The following NFAT5 variants were observed in gnomAD, a reference collection of about 807,000 sequenced individuals.
NFAT5 encodes the protein nuclear factor of activated T cells 5.
Under a neutral mutation model 166.5 loss-of-function variants are expected in NFAT5, and 31 were observed. That is an observed-to-expected ratio of 0.19 (90% CI 0.14 to 0.25). The LOEUF (loss-of-function observed/expected upper bound fraction) is 0.25. Ranked by LOEUF, NFAT5 falls within the 10% of genes least tolerant of loss-of-function variation. NFAT5 has a pLI of 1.00. For missense variants in NFAT5, 1,449 were observed against 1,821.8 expected, an observed-to-expected ratio of 0.80 and a Z score of 3.72; for synonymous variants, 612 against 639.7, an observed-to-expected ratio of 0.96 and a Z score of 0.65.
intron 2 of NFAT5, among the ~76,000 whole-genome samples, chr16:69,584,233 A>G (rs2031890457): frequency 6.6e-6 from 1 of 152,200 alleles, no homozygotes; most frequent in Admixed American, 6.5e-5. Context: ...CTCAAAAACA[A>G]AATAATAATA....
rs1412314809 is a variant in NFAT5 at position 69,700,740 on chromosome 16, A to C, written c.*4389A>C. On this transcript the variant is annotated 3_prime_UTR_variant, in exon 15 of 15. Coordinates refer to ENST00000349945, the MANE Select transcript of NFAT5 (RefSeq NM_138713.4). Reference sequence around the variant, plus strand: ...TGGAGGGACTCCATGAAGAAAGACCATAGGTTAGAAAAATAACTCATAGTA... The same window carrying C: ...TGGAGGGACTCCATGAAGAAAGACCCTAGGTTAGAAAAATAACTCATAGTA... 6.6e-6 allele frequency: 1 copy of C among 152,178 alleles called. No individual in the cohort carries two copies. The highest frequency in any genetic ancestry group is 1.5e-5 in the Non-Finnish European group (1 of 68,048). The allele number at this position is 152,178 out of a possible 1,614,324, so 9.4% of individuals were successfully genotyped here. A position where few individuals can be genotyped will look rare whatever the true frequency, so the allele number is the denominator to read the frequency against.
chr16:69,571,966 A>G (rs761777490), intron 2 of NFAT5, among the ~76,000 whole-genome samples: 2 of 151,868 alleles, frequency 1.3e-5, no homozygotes, highest in Non-Finnish European at 2.9e-5. Flanking sequence ...GTTTCACCAT[A>G]TTAGCCAGGA....
intron 6 of NFAT5, among the ~76,000 whole-genome samples, chr16:69,658,684 T>C (rs1186999590): frequency 6.8e-6 from 1 of 147,890 alleles, no homozygotes; most frequent in Non-Finnish European, 1.5e-5. Context: ...AAAAGTGAGC[T>C]GGAGTGGTGG....
intron 2 of NFAT5, among the ~76,000 whole-genome samples, chr16:69,582,759 T>C (rs2031781989): frequency 6.6e-6 from 1 of 151,820 alleles, no homozygotes; most frequent in Non-Finnish European, 1.5e-5. Flanking sequence ...TATTGTGTTA[T>C]TACTGTAGCT....
intron 3 of NFAT5, among the ~76,000 whole-genome samples, chr16:69,645,502 A>C (rs2035400190): frequency 6.6e-6 from 1 of 152,156 alleles, no homozygotes; most frequent in African/African-American, 2.4e-5. Flanking sequence ...TTCTGGGTGG[A>C]TATAGTTCAT....
intron 2 of NFAT5, among the ~76,000 whole-genome samples, chr16:69,590,960 C>G (rs971569498): frequency 5.9e-5 from 9 of 152,168 alleles, no homozygotes; most frequent in Admixed American, 1.3e-4. Context: ...GAGACTGAGT[C>G]TCACTCTGTC....
intron 3 of NFAT5, among the ~76,000 whole-genome samples, chr16:69,645,681 A>T (rs2035408989): frequency 6.6e-6 from 1 of 152,206 alleles, no homozygotes; most frequent in Admixed American, 6.5e-5. Flanking sequence ...TTTATCATAC[A>T]CTTTAAAACA....
At chr16:69,584,603 A>G (rs958994059) in intron 2 of NFAT5, among the ~76,000 whole-genome samples, 1 of 151,498 alleles carries the variant, frequency 6.6e-6, no homozygotes, top group Non-Finnish European at 1.5e-5. Context: ...GTCTTGCTAT[A>G]TATAGCAAGA....
intron 4 of NFAT5, among the ~76,000 whole-genome samples, chr16:69,652,559 G>GA (rs1439499765): frequency 3.3e-5 from 5 of 151,776 alleles, no homozygotes; most frequent in African/African-American, 1.2e-4. Flanking sequence ...AAAATAATCT[G>GA]AAAAATCACA....
chr16:69,636,133 C>T (rs1287487015), intron 3 of NFAT5, among the ~76,000 whole-genome samples: 1 of 152,108 alleles, frequency 6.6e-6, no homozygotes. Flanking sequence ...CATGCAAGTC[C>T]GAAATCCAGT....
At position 69,700,451 on chromosome 16, in the gene NFAT5, T is replaced by G. The variant is rs941567850; in HGVS notation, c.*4100T>G. On this transcript the variant is annotated 3_prime_UTR_variant, in exon 15 of 15. Coordinates refer to ENST00000349945, the MANE Select transcript of NFAT5 (RefSeq NM_138713.4). Reference sequence around the variant, plus strand: ...CATTTAAGCCTTTATAAATGCTTGTTTTAGGAAAGTGAATCTGTTAGATGC... The same window carrying G: ...CATTTAAGCCTTTATAAATGCTTGTGTTAGGAAAGTGAATCTGTTAGATGC... 6.6e-6 allele frequency: 1 copy of G among 152,236 alleles called. No homozygotes were observed. The highest frequency in any genetic ancestry group is 6.5e-5 in the Admixed American group (1 of 15,286). The allele number at this position is 152,236 out of a possible 1,614,324, so 9.4% of individuals were successfully genotyped here.
intron 2 of NFAT5, among the ~76,000 whole-genome samples, chr16:69,570,904 T>C (rs2142896733): frequency 6.6e-6 from 1 of 152,108 alleles, no homozygotes; most frequent in African/African-American, 2.4e-5. Flanking sequence ...TAGGTTTTTG[T>C]GAAGATTATT....
intron 7 of NFAT5, among the ~76,000 whole-genome samples, chr16:69,662,133 C>T (rs1156776609): frequency 1.3e-5 from 2 of 152,076 alleles, no homozygotes; most frequent in African/African-American, 2.4e-5. Flanking sequence ...CTATACTGCA[C>T]AGTAGCTGTG....
At chr16:69,686,850 A>G (rs1406152034) in intron 11 of NFAT5, among the ~76,000 whole-genome samples, 1 of 152,014 alleles carries the variant, frequency 6.6e-6, no homozygotes, top group African/African-American at 2.4e-5. Flanking sequence ...GCGACACAGT[A>G]AAACTCCACC....
At chr16:69,623,052 G>C (rs2034276048) in intron 2 of NFAT5, among the ~76,000 whole-genome samples, 1 of 152,118 alleles carries the variant, frequency 6.6e-6, no homozygotes, top group Non-Finnish European at 1.5e-5. Flanking sequence ...GGCTGAGGCA[G>C]GAGAATCACT....
intron 11 of NFAT5, chr16:69,690,554 G>A (rs1485503445): frequency 1.3e-5 from 2 of 152,460 alleles, no homozygotes; most frequent in Non-Finnish European, 2.9e-5. Context: ...ATAGCTAAAT[G>A]CTAAGAGGAG....
At chr16:69,677,923 C>T (rs999348148) in intron 10 of NFAT5, among the ~76,000 whole-genome samples, 11 of 151,764 alleles carry the variant, frequency 7.2e-5, no homozygotes, top group Admixed American at 2.6e-4. Context: ...GAGGCCGAGG[C>T]GGGTGGATCA....
intron 2 of NFAT5, among the ~76,000 whole-genome samples, chr16:69,623,334 CTTTT>C (rs369209793): frequency 7.2e-6 from 1 of 139,624 alleles, no homozygotes; most frequent in Non-Finnish European, 1.6e-5. Flanking sequence ...TTGCTAAAGG[CTTTT>C]TTTTTTTTTT....
chr16:69,601,973 C>A (rs2033154827), intron 2 of NFAT5, among the ~76,000 whole-genome samples: 1 of 152,210 alleles, frequency 6.6e-6, no homozygotes. Context: ...CCCAAACCAT[C>A]TTGTAATCTA....
Sources: allele counts gnomAD v4.1 joint callset (sites outside exome capture counted in the v4.1 genomes callset), GRCh38; gene constraint gnomAD v4.1.1; transcripts MANE v1.5; gene names NCBI Gene and HGNC (gene_info 2026-07-23, HGNC 2026-07-21).